The following EIF4G3 variants were observed in gnomAD, a reference collection of about 807,000 sequenced individuals.
EIF4G3 encodes the protein eIF-4-gamma 3.
A neutral mutation model predicts 186.4 loss-of-function variants in EIF4G3; 34 were observed. The ratio of observed to expected loss-of-function variants is 0.18; its 90% CI spans 0.14 to 0.24. The LOEUF (loss-of-function observed/expected upper bound fraction) is 0.24, where lower values mean the gene tolerates loss of function less well. Among genes scored for constraint, EIF4G3 ranks in the 10% least tolerant of loss-of-function variants. The probability of loss-of-function intolerance (pLI) is 1.00; values close to 1 mark genes in which losing one functional copy is unlikely to be tolerated. For missense variants in EIF4G3, 1,536 were observed against 1,948.5 expected (o/e 0.79, Z 3.99); for synonymous variants, 673 against 679.5 (o/e 0.99, Z 0.15).
chr1:21,092,368 T>G (rs1377066347), intron 2 of EIF4G3, among the ~76,000 whole-genome samples: 2 of 152,212 alleles, frequency 1.3e-5, no homozygotes, highest in Non-Finnish European at 2.9e-5. Context: ...ATAAGCTTTT[T>G]GATGTGCTGC....
At chr1:20,927,078 CTG>C (rs1261511812) in intron 14 of EIF4G3, among the ~76,000 whole-genome samples, 1 of 147,200 alleles carries the variant, frequency 6.8e-6, no homozygotes, top group Non-Finnish European at 1.5e-5. Context: ...TGGAGTCTCA[CTG>C]TTGCCCAGGC....
chr1:21,041,205 G>C (rs2093559402), intron 4 of EIF4G3, among the ~76,000 whole-genome samples: 1 of 152,112 alleles, frequency 6.6e-6, no homozygotes, highest in Non-Finnish European at 1.5e-5. Context: ...AGGGATGTCA[G>C]CTGCTTTCTG....
chr1:20,820,815 G>A (rs1365653776), intron 33 of EIF4G3, among the ~76,000 whole-genome samples: 1 of 152,040 alleles, frequency 6.6e-6, no homozygotes, highest in East Asian at 1.9e-4. Context: ...CCTGCCAGGA[G>A]AGAGGAGGTA....
At chr1:20,914,428 A>C (rs1360331995) in intron 14 of EIF4G3, among the ~76,000 whole-genome samples, 1 of 152,050 alleles carries the variant, frequency 6.6e-6, no homozygotes, top group Non-Finnish European at 1.5e-5. Flanking sequence ...TTGAAGATGG[A>C]GGAAGGGGAC....
chr1:20,956,658 C>T (rs544871356), intron 12 of EIF4G3, among the ~76,000 whole-genome samples: 2 of 146,796 alleles, frequency 1.4e-5, no homozygotes, highest in South Asian at 2.2e-4. Flanking sequence ...ACATCAAACA[C>T]CTGTTGAAAT....
Position 21,136,060 on chromosome 1 carries a change from G to A in EIF4G3, c.-272+40115C>T, listed in dbSNP as rs573998336. On this transcript the variant is annotated intron_variant, in intron 2 of 36. Transcript: ENST00000602326. ...TAGCCGGGCACGGTGGCGGGCGCCT[G>A]TAGTCCCAGCTACTCGGGAGGCTGA... 7.9e-5 allele frequency among the ~76,000 whole-genome samples: 12 copies of A among 152,244 alleles called. No individual in the cohort carries two copies. The South Asian group carries it at 2.5e-3, about 32-fold the overall frequency.
chr1:20,956,636 A>AAG (rs1321399153), intron 12 of EIF4G3, among the ~76,000 whole-genome samples: 1 of 149,332 alleles, frequency 6.7e-6, no homozygotes, highest in African/African-American at 2.5e-5. Flanking sequence ...AAAAAAAAAA[A>AAG]ACAAGGAGAG....
At chr1:20,997,471 C>A in intron 7 of EIF4G3, 130 bp downstream of exon 7, 1 of 898,492 alleles carries the variant, frequency 1.1e-6, no homozygotes, top group Non-Finnish European at 1.8e-6. Context: ...TGAATTATAT[C>A]AGATAAAAGC....
At position 20,829,222 on chromosome 1, in the gene EIF4G3, T is replaced by C. The variant is rs1482204398; in HGVS notation, c.4112A>G (p.His1371Arg). Residue 1371 changes from histidine to arginine, a missense_variant, in exon 31 of 37, where the codon CAT becomes CGT. Coordinates refer to ENST00000602326, the MANE Select transcript of EIF4G3 (RefSeq NM_001391906.1). ...LADDMAIDIP[H>R]IWLYLAELVT... Reference sequence around the variant, plus strand: ...CAGTTCAGCAAGGTACAACCAAATATGGGGAATATCAATGGCCATGTCATC... The same window carrying C: ...CAGTTCAGCAAGGTACAACCAAATACGGGGAATATCAATGGCCATGTCATC... 6.2e-7 allele frequency: 1 copy of C among 1,613,990 alleles called. No individual in the cohort carries two copies. The highest frequency in any genetic ancestry group is 8.5e-7 in the Non-Finnish European group (1 of 1,179,944).
chr1:21,011,539 A>G (rs1233649393), intron 4 of EIF4G3, among the ~76,000 whole-genome samples: 1 of 152,218 alleles, frequency 6.6e-6, no homozygotes, highest in Non-Finnish European at 1.5e-5. Context: ...ATCTGTGTGT[A>G]TATTTAGTTC....
intron 2 of EIF4G3, among the ~76,000 whole-genome samples, chr1:21,101,737 A>G (rs2096532273): frequency 6.6e-6 from 1 of 151,722 alleles, no homozygotes; most frequent in African/African-American, 2.4e-5. Flanking sequence ...ACAGCTACAA[A>G]TTTCACCTTT....
At chr1:21,158,431 C>T (rs1182390234) in intron 2 of EIF4G3, among the ~76,000 whole-genome samples, 2 of 151,952 alleles carry the variant, frequency 1.3e-5, no homozygotes, top group Non-Finnish European at 2.9e-5. Context: ...CCACCTTGGC[C>T]TCTCAAAGTG....
intron 14 of EIF4G3, among the ~76,000 whole-genome samples, chr1:20,935,230 T>C (rs771434572): frequency 8.5e-5 from 13 of 152,156 alleles, no homozygotes; most frequent in African/African-American, 1.4e-4. Flanking sequence ...AGAAAGCTGA[T>C]TTACCATTCT....
chr1:20,818,752 A>G (rs898214328), intron 33 of EIF4G3, among the ~76,000 whole-genome samples: 1 of 152,198 alleles, frequency 6.6e-6, no homozygotes, highest in African/African-American at 2.4e-5. Context: ...CAAAAACCAT[A>G]AAGATGAAAA....
At chr1:20,943,722 T>C (rs1051607576) in intron 13 of EIF4G3, among the ~76,000 whole-genome samples, 2 of 152,342 alleles carry the variant, frequency 1.3e-5, no homozygotes, top group Admixed American at 6.5e-5. Context: ...AAAGCAAATA[T>C]GCAGTTTATC....
chr1:21,137,289 G>A (rs2097263061), intron 2 of EIF4G3, among the ~76,000 whole-genome samples: 2 of 151,784 alleles, frequency 1.3e-5, no homozygotes, highest in South Asian at 4.2e-4. Context: ...GGCTACAGGT[G>A]TGCACCACCA....
At chr1:20,895,289 C>G in intron 17 of EIF4G3, 79 bp downstream of exon 17, 5 of 1,472,850 alleles carry the variant, frequency 3.4e-6, no homozygotes, top group East Asian at 2.3e-5. Flanking sequence ...AAAAACTGCT[C>G]ATACTTCACA....
intron 4 of EIF4G3, among the ~76,000 whole-genome samples, chr1:21,037,958 G>A (rs571236944): frequency 2.0e-5 from 3 of 152,284 alleles, no homozygotes; most frequent in Non-Finnish European, 2.9e-5. Flanking sequence ...TCTGGAGAAG[G>A]GGACCCAGGC....
chr1:21,023,528 G>A (rs574725863), intron 4 of EIF4G3, among the ~76,000 whole-genome samples: 47 of 152,156 alleles, frequency 3.1e-4, no homozygotes, highest in Non-Finnish European at 6.0e-4. Flanking sequence ...CCGAGGTGCC[G>A]GGATGGCAGA....
Sources: allele counts gnomAD v4.1 joint callset (sites outside exome capture counted in the v4.1 genomes callset), GRCh38; gene constraint gnomAD v4.1.1; transcripts MANE v1.5; gene names NCBI Gene and HGNC (gene_info 2026-07-23, HGNC 2026-07-21).